Variants in KLHL29 observed in about 807,000 individuals in gnomAD.
The protein encoded by KLHL29 is kelch like family member 29, also known as kelch-like protein 29.
In KLHL29, 21 loss-of-function variants were observed where a neutral mutation model predicts 80.4. The ratio of observed to expected loss-of-function variants is 0.26; its 90% CI spans 0.19 to 0.38. KLHL29 has a LOEUF of 0.38. KLHL29 is among the 10% of genes least tolerant of loss of function. The probability of loss-of-function intolerance (pLI) is 1.00; values close to 1 mark genes in which losing one functional copy is unlikely to be tolerated. For synonymous variants in KLHL29, 511 were observed against 526.8 expected (o/e 0.97, Z 0.41); for missense variants, 867 against 1,223.9 (o/e 0.71, Z 4.35).
At chr2:23,602,215 C>T (rs1277096419) in intron 3 of KLHL29, among the ~76,000 whole-genome samples, 2 of 152,186 alleles carry the variant, frequency 1.3e-5, no homozygotes, top group Non-Finnish European at 2.9e-5. Flanking sequence ...AGCCCGTGCC[C>T]GTCGGCAAGA....
intron 1 of KLHL29, among the ~76,000 whole-genome samples, chr2:23,432,488 A>G (rs554550404): frequency 2.0e-5 from 3 of 152,246 alleles, no homozygotes; most frequent in Non-Finnish European, 4.4e-5. Context: ...TGGGGATTCA[A>G]CAGTGCCTGA....
intron 1 of KLHL29, among the ~76,000 whole-genome samples, chr2:23,395,669 A>G (rs2103385190): frequency 6.6e-6 from 1 of 151,804 alleles, no homozygotes; most frequent in African/African-American, 2.4e-5. Flanking sequence ...CGCTTGAACC[A>G]GGGAGGCAGA....
At chr2:23,534,473 A>G (rs1024510889) in intron 2 of KLHL29, among the ~76,000 whole-genome samples, 6 of 151,652 alleles carry the variant, frequency 4.0e-5, no homozygotes, top group African/African-American at 1.5e-4. Flanking sequence ...GTCCTTTCAG[A>G]GGCTACTATG....
At chr2:23,442,721 G>A (rs1663565912) in intron 1 of KLHL29, among the ~76,000 whole-genome samples, 1 of 152,202 alleles carries the variant, frequency 6.6e-6, no homozygotes, top group South Asian at 2.1e-4. Flanking sequence ...AGCAGCGAGA[G>A]GAAACAAATG....
chr2:23,608,666 G>T (rs1668786112), intron 3 of KLHL29, among the ~76,000 whole-genome samples: 1 of 152,162 alleles, frequency 6.6e-6, no homozygotes, highest in African/African-American at 2.4e-5. Flanking sequence ...TCTAAGTGCT[G>T]TGGGCCCCTT....
At chr2:23,629,599 G>A (rs986952337) in intron 3 of KLHL29, among the ~76,000 whole-genome samples, 1 of 152,176 alleles carries the variant, frequency 6.6e-6, no homozygotes, top group East Asian at 1.9e-4. Context: ...CTGGGGGCCC[G>A]GACAGGGCAC....
Position 23,562,561 on chromosome 2 carries a change from C to T in KLHL29, c.285+80C>T. 1 of 1,387,994 alleles carries T rather than the reference C, an allele frequency of 7.2e-7. No individual in the cohort carries two copies. Among genetic ancestry groups the T allele is most frequent in the Non-Finnish European group, 9.7e-7 (1 of 1,034,046 alleles). 86.0% of individuals were successfully genotyped at this position (1,387,994 alleles called of 1,614,324 possible). ...TGCAGGCTCAGGCCAGCCCCACAGG[C>T]TCCTGTGGGGCAGCCTGTGCTCCAC... On this transcript the variant is annotated intron_variant, in intron 3 of 13. Coordinates refer to ENST00000486442, the MANE Select transcript of KLHL29 (RefSeq NM_052920.2). This position sits in a 1 kb window ranked among gnomAD's most constrained non-coding sequence, Gnocchi z 4.5.
chr2:23,570,577 C>T (rs1400845979), intron 3 of KLHL29, among the ~76,000 whole-genome samples: 1 of 152,222 alleles, frequency 6.6e-6, no homozygotes, highest in Non-Finnish European at 1.5e-5. Context: ...CCCCCCGACC[C>T]CAGGTTGCCA....
chr2:23,703,922 G>GT (rs1313105231), intron 13 of KLHL29, 59 bp downstream of exon 13: 18 of 1,480,108 alleles, frequency 1.2e-5, no homozygotes, highest in Non-Finnish European at 1.4e-5. Context: ...GAGGAGGGGT[G>GT]TGACCACAAT....
chr2:23,695,777 G>A lies in KLHL29; in HGVS notation c.1697G>A (p.Arg566His), dbSNP rs1313012373. The A allele has an allele frequency of 2.6e-6, 4 of 1,551,116 alleles. No individual in the cohort carries two copies. The highest frequency in any genetic ancestry group is 3.5e-6 in the Non-Finnish European group (4 of 1,146,960). Reference sequence around the variant, plus strand: ...CGCTACCATATGCTGCCCCACGCCCGCCAGGAGATGCAGACGCCCCGAACC... The same window carrying A: ...CGCTACCATATGCTGCCCCACGCCCACCAGGAGATGCAGACGCCCCGAACC... ...AKRYHMLPHARQEMQTPRTRP... is the reference protein window; with the variant it reads ...AKRYHMLPHAHQEMQTPRTRP... Residue 566 changes from arginine to histidine, a missense_variant, in exon 9 of 14, where the codon CGC (arginine) becomes CAC (histidine). By Grantham distance (29) the Arg-to-His change is conservative. Around this residue, in one of 2 missense-constraint regions of KLHL29, gnomAD observed 443 missense variants for 767.0 expected, o/e 0.58. Transcript: ENST00000486442. This position sits in a 1 kb window ranked among gnomAD's most constrained non-coding sequence, Gnocchi z 7.6.
At chr2:23,531,427 G>C (rs1394657215) in intron 2 of KLHL29, among the ~76,000 whole-genome samples, 2 of 152,164 alleles carry the variant, frequency 1.3e-5, no homozygotes. Context: ...CCCACTACCA[G>C]ATTGCTCTGG....
chr2:23,486,559 C>T (rs965003896), intron 2 of KLHL29, among the ~76,000 whole-genome samples: 2 of 152,168 alleles, frequency 1.3e-5, no homozygotes, highest in Admixed American at 1.3e-4. Context: ...ACAATTAGCA[C>T]TGTGGCCTCA....
At chr2:23,550,221 G>A (rs2103488933) in intron 2 of KLHL29, among the ~76,000 whole-genome samples, 1 of 152,278 alleles carries the variant, frequency 6.6e-6, no homozygotes, top group South Asian at 2.1e-4. Flanking sequence ...TGAGAAAAGG[G>A]CAGATCGTGC....
At chr2:23,691,909 G>A in intron 7 of KLHL29, 33 bp downstream of exon 7, 1 of 1,539,048 alleles carries the variant, frequency 6.5e-7, no homozygotes, top group Non-Finnish European at 8.8e-7. Flanking sequence ...TCGCTTGGGG[G>A]GAAGAGTGCA....
At position 23,538,232 on chromosome 2, in the gene KLHL29, C is replaced by A. The variant is rs1056592327; in HGVS notation, c.-45-23920C>A. Among the ~76,000 whole-genome samples, 11 of 152,286 alleles carry A rather than the reference C, an allele frequency of 7.2e-5. No homozygotes were observed. The South Asian group carries it at 2.3e-3, about 32-fold the overall frequency. Reference sequence around the variant, plus strand: ...TAGAATTATGAACCAAGTAAGGCAGCCCTTCTCAATGGATTCTGCATTTCT... The same window carrying A: ...TAGAATTATGAACCAAGTAAGGCAGACCTTCTCAATGGATTCTGCATTTCT... On this transcript the variant is annotated intron_variant, in intron 2 of 13. Transcript: ENST00000486442.
At chr2:23,676,823 G>A (rs555831921) in intron 5 of KLHL29, among the ~76,000 whole-genome samples, 1 of 152,320 alleles carries the variant, frequency 6.6e-6, no homozygotes, top group African/African-American at 2.4e-5. Context: ...GGTCAGGTCA[G>A]GTCATAGAAG....
At chr2:23,485,182 C>T (rs1456053726) in intron 2 of KLHL29, among the ~76,000 whole-genome samples, 1 of 152,194 alleles carries the variant, frequency 6.6e-6, no homozygotes, top group Non-Finnish European at 1.5e-5. Context: ...TTCCCACGGC[C>T]TCTGGCTGTG....
intron 3 of KLHL29, among the ~76,000 whole-genome samples, chr2:23,563,771 G>T (rs73919759): frequency 6.6e-6 from 1 of 152,208 alleles, no homozygotes; most frequent in Non-Finnish European, 1.5e-5. Context: ...AGGCTGGCTC[G>T]GAGCGCACTG....
intron 1 of KLHL29, among the ~76,000 whole-genome samples, chr2:23,410,028 A>C (rs1245824241): frequency 2.6e-5 from 4 of 152,176 alleles, no homozygotes; most frequent in Non-Finnish European, 5.9e-5. Flanking sequence ...GGTCAGAGAA[A>C]CTGGCATTAA....
Sources: gnomAD v4.1 joint callset for allele counts (sites outside exome capture counted in the v4.1 genomes callset) on GRCh38, gnomAD v4.1.1 for gene constraint, gnomAD v4.1.1 regional missense constraint, Gnocchi (gnomAD v3.1) non-coding constraint, MANE v1.5 for transcripts, NCBI Gene and HGNC (gene_info 2026-07-23, HGNC 2026-07-21) for gene names.